The following PDE11A variants were observed in gnomAD, a reference collection of about 807,000 sequenced individuals.
PDE11A encodes the protein phosphodiesterase 11A.
A neutral mutation model predicts 100.5 loss-of-function variants in PDE11A; 100 were observed. The ratio of observed to expected loss-of-function variants is 1.00; its 90% CI spans 0.85 to 1.18. The LOEUF (loss-of-function observed/expected upper bound fraction) is 1.18, where lower values mean the gene tolerates loss of function less well. Among genes scored for constraint, PDE11A ranks in the 50% most tolerant of loss-of-function variants. The pLI is 0.00. For synonymous variants in PDE11A, 381 were observed against 420.8 expected (o/e 0.91, Z 1.16); for missense variants, 1,141 against 1,152.6 (o/e 0.99, Z 0.15).
chr2:177,680,711 A>C (rs1364637967), intron 16 of PDE11A, 115 bp downstream of exon 16: 3 of 616,526 alleles, frequency 4.9e-6, no homozygotes, highest in Admixed American at 2.9e-5. Context: ...TTTTGAATGT[A>C]AGCTAAGATT....
At chr2:178,081,517 T>C (rs1396944833) in intron 2 of PDE11A, among the ~76,000 whole-genome samples, 1 of 152,238 alleles carries the variant, frequency 6.6e-6, no homozygotes, top group Non-Finnish European at 1.5e-5. Flanking sequence ...AAGTGTCATT[T>C]GTTAACAATG....
chr2:177,949,836 C>G (rs767625730), intron 2 of PDE11A, among the ~76,000 whole-genome samples: 2 of 152,186 alleles, frequency 1.3e-5, no homozygotes, highest in Non-Finnish European at 2.9e-5. Context: ...AGAGCTTTCA[C>G]AGCTTTTCTA....
chr2:177,686,838 C>T (rs2080959429), intron 15 of PDE11A: 1 of 151,442 alleles, frequency 6.6e-6, no homozygotes, highest in Admixed American at 6.6e-5. Flanking sequence ...GCCTCAGCCT[C>T]CTGAGTAATT....
At chr2:178,057,773 G>A (rs528787517) in intron 1 of PDE11A, among the ~76,000 whole-genome samples, 26 of 152,256 alleles carry the variant, frequency 1.7e-4, no homozygotes, top group African/African-American at 6.0e-4. Flanking sequence ...CCCTGCACCT[G>A]ACCAGTTGAC....
intron 2 of PDE11A, among the ~76,000 whole-genome samples, chr2:177,906,301 G>A (rs2084787609): frequency 6.6e-6 from 1 of 152,104 alleles, no homozygotes; most frequent in South Asian, 2.1e-4. Flanking sequence ...TGTGGGTGAG[G>A]GACGACAGCA....
intron 2 of PDE11A, among the ~76,000 whole-genome samples, chr2:177,942,311 G>A (rs1173896210): frequency 2.6e-5 from 4 of 152,104 alleles, no homozygotes; most frequent in African/African-American, 9.7e-5. Flanking sequence ...AACCATGTAA[G>A]GCATTTAAAA....
At chr2:178,018,353 C>A (rs1574344943) in intron 1 of PDE11A, 1 of 67,238 alleles carries the variant, frequency 1.5e-5, no homozygotes, top group East Asian at 5.8e-4. Context: ...TCACGGAAAG[C>A]TGCCAAGGCA....
chr2:177,817,657 G>C (rs866154441), intron 8 of PDE11A, among the ~76,000 whole-genome samples: 2 of 151,994 alleles, frequency 1.3e-5, no homozygotes, highest in South Asian at 2.1e-4. Context: ...ATAATGGATG[G>C]TTACAAAATA....
At chr2:178,091,621 C>T (rs1467330656) in intron 2 of PDE11A, among the ~76,000 whole-genome samples, 1 of 152,194 alleles carries the variant, frequency 6.6e-6, no homozygotes, top group Non-Finnish European at 1.5e-5. Flanking sequence ...GCTTCTCCTT[C>T]TTGCATTGGG....
chr2:177,669,687 G>T (rs994107492), intron 17 of PDE11A, 120 bp from the exon 18 acceptor site: 3 of 717,608 alleles, frequency 4.2e-6, no homozygotes, highest in Non-Finnish European at 7.6e-6. Context: ...AAGCTTATGA[G>T]GAAGTAAGTA....
chr2:178,054,935 T>A (rs2086879586), intron 1 of PDE11A, among the ~76,000 whole-genome samples: 1 of 152,212 alleles, frequency 6.6e-6, no homozygotes, highest in African/African-American at 2.4e-5. Flanking sequence ...TGGAAGACAG[T>A]GTGGCGATTC....
intron 10 of PDE11A, among the ~76,000 whole-genome samples, chr2:177,756,754 C>T: frequency 6.6e-6 from 1 of 152,308 alleles, no homozygotes; most frequent in African/African-American, 2.4e-5. Flanking sequence ...CAAACATGTC[C>T]CTTGAAGTTG....
intron 6 of PDE11A, among the ~76,000 whole-genome samples, chr2:177,823,837 T>C (rs557066698): frequency 2.5e-4 from 38 of 152,284 alleles, no homozygotes; most frequent in Admixed American, 1.8e-3. Flanking sequence ...GTACAGACCA[T>C]TGGGTTTGAG....
chr2:177,904,601 C>A (rs1415379034), intron 3 of PDE11A, among the ~76,000 whole-genome samples: 1 of 146,862 alleles, frequency 6.8e-6, no homozygotes, highest in Non-Finnish European at 1.5e-5. Flanking sequence ...GTCACCTAGG[C>A]TGGAGTGCAG....
chr2:178,034,725 A>C (rs12468127), intron 1 of PDE11A, among the ~76,000 whole-genome samples: 76,520 of 151,954 alleles, frequency 0.5, 20,046 homozygotes, highest in East Asian at 0.71. Flanking sequence ...GAAACTCACT[A>C]AAAACCGCAC....
At chr2:177,853,560 A>G (rs2083752797) in intron 5 of PDE11A, among the ~76,000 whole-genome samples, 2 of 144,414 alleles carry the variant, frequency 1.4e-5, no homozygotes, top group African/African-American at 5.1e-5. Flanking sequence ...TAGCCCCACA[A>G]TATCTCTCTG....
intron 10 of PDE11A, among the ~76,000 whole-genome samples, chr2:177,741,371 A>T (rs1409728850): frequency 6.6e-6 from 1 of 152,160 alleles, no homozygotes; most frequent in Admixed American, 6.5e-5. Context: ...ATTTAGCCTT[A>T]ATGACCTCTT....
At chr2:178,081,799 A>T (rs1390919199) in intron 2 of PDE11A, among the ~76,000 whole-genome samples, 1 of 152,238 alleles carries the variant, frequency 6.6e-6, no homozygotes, top group Non-Finnish European at 1.5e-5. Flanking sequence ...TAATTTTTTT[A>T]AAAATTATTA....
chr2:177,844,529 T>G (rs189054522), intron 5 of PDE11A, among the ~76,000 whole-genome samples: 3 of 149,236 alleles, frequency 2.0e-5, no homozygotes, highest in African/African-American at 7.7e-5. Context: ...TTTTTTTTTT[T>G]AATTAATTAA....
Sources: gnomAD v4.1 joint callset for allele counts (sites outside exome capture counted in the v4.1 genomes callset) on GRCh38, gnomAD v4.1.1 for gene constraint, MANE v1.5 for transcripts, NCBI Gene and HGNC (gene_info 2026-07-23, HGNC 2026-07-21) for gene names.